The following ROS1 variants were observed in gnomAD, a reference collection of about 807,000 sequenced individuals.
ROS1 encodes the protein ROS proto-oncogene 1, receptor tyrosine kinase.
In ROS1, 263 loss-of-function variants were observed where a neutral mutation model predicts 273.5. The ratio of observed to expected loss-of-function variants is 0.96; its 90% CI spans 0.87 to 1.06. The LOEUF is 1.06. Ranked by LOEUF, ROS1 falls within the 50% of genes least tolerant of loss-of-function variation. ROS1 has a pLI of 0.00. For synonymous variants in ROS1, 1,008 were observed against 954.1 expected, an observed-to-expected ratio of 1.06 and a Z score of -1.04; for missense variants, 2,833 against 2,751.1, an observed-to-expected ratio of 1.03 and a Z score of -0.67.
chr6:117,396,940 A>G lies in ROS1; in HGVS notation c.781T>C (p.Ser261Pro). 6.2e-7 allele frequency: 1 copy of G among 1,613,806 alleles called. No individual in the cohort carries two copies. Among genetic ancestry groups the G allele is most frequent in the Non-Finnish European group, 8.5e-7 (1 of 1,179,644 alleles). ...GTQRTSFQFY[S>P]TLPNTIYRFS... The stretch of plus-strand genomic sequence containing the variant: ...CTGTAGATAGTATTTGGTAAAGTGG[A>G]GTAAAACTGGAAACTGGTTCTCTGT... Residue 261 changes from serine to proline, a missense_variant, in exon 8 of 44, where the codon TCC becomes CCC. Ser to Pro is a moderately conservative substitution (Grantham distance 74). Coordinates refer to ENST00000368507, the MANE Select transcript of ROS1 (RefSeq NM_001378902.1).
chr6:117,333,544 A>C (rs60902684), intron 32 of ROS1, among the ~76,000 whole-genome samples: 6,595 of 152,198 alleles, frequency 0.043, 234 homozygotes, highest in African/African-American at 0.1. Context: ...ACAACAACAA[A>C]CTTCGGGCCA....
chr6:117,376,502 C>A (rs1781342872), intron 18 of ROS1, among the ~76,000 whole-genome samples: 1 of 152,024 alleles, frequency 6.6e-6, no homozygotes, highest in Non-Finnish European at 1.5e-5. Flanking sequence ...ATTTTTGAGA[C>A]TACTATAACT....
chr6:117,398,274 GA>G (rs761453359), intron 7 of ROS1, among the ~76,000 whole-genome samples: 2 of 135,940 alleles, frequency 1.5e-5, no homozygotes, highest in African/African-American at 6.4e-5. Flanking sequence ...CTTCCCCACC[GA>G]AAAAAAAACA....
rs372816596 is a variant in ROS1 at position 117,395,064 on chromosome 6, G to A, written c.884-326C>T. ...TATTTTCAGCCATGAGAATTGGCTC[G>A]GTGGAGGTGGTCCACCCCAGGCCAG... On this transcript the variant is annotated intron_variant, in intron 9 of 43. Coordinates refer to ENST00000368507, the MANE Select transcript of ROS1 (RefSeq NM_001378902.1). Among the ~76,000 whole-genome samples the A allele has an allele frequency of 6.6e-5, 10 of 152,184 alleles. 1 individual carries two copies. Among genetic ancestry groups the A allele is most frequent in the East Asian group, 5.8e-4 (3 of 5,174 alleles).
At position 117,319,926 on chromosome 6, in the gene ROS1, T is replaced by C. The variant is rs2128558817; in HGVS notation, c.5864A>G (p.Glu1955Gly). The change falls in exon 37 of 44, where the codon GAA becomes GGA. Residue 1955 changes from glutamate (E) to glycine (G), a missense_variant. By Grantham distance (98) the Glu-to-Gly change is moderately conservative. Coordinates refer to ENST00000368507, the MANE Select transcript of ROS1 (RefSeq NM_001378902.1). ...LGSGAFGEVY[E>G]GTAVDILGVG... Reference sequence around the variant, plus strand: ...TCCTAAGATGTCCACTGCTGTTCCTTCATACACTTCTCCAAAGGCTCCACT... The same window carrying C: ...TCCTAAGATGTCCACTGCTGTTCCTCCATACACTTCTCCAAAGGCTCCACT... 1 of 1,613,478 alleles carries C rather than the reference T, an allele frequency of 6.2e-7. No individual in the cohort carries two copies. Among genetic ancestry groups the C allele is most frequent in the Non-Finnish European group, 8.5e-7 (1 of 1,179,570 alleles).
intron 1 of ROS1, among the ~76,000 whole-genome samples, chr6:117,423,015 T>G (rs1775870701): frequency 1.3e-5 from 2 of 151,656 alleles, no homozygotes; most frequent in South Asian, 4.2e-4. Flanking sequence ...GTTGTTGTGA[T>G]TTGTTAATTC....
chr6:117,366,274 T>C lies in ROS1; in HGVS notation c.2599A>G (p.Ile867Val). 1 of 1,614,008 alleles carries C rather than the reference T, an allele frequency of 6.2e-7. No homozygotes were observed. Residue 867 changes from isoleucine to valine, a missense_variant, in exon 19 of 44, where the codon ATC (isoleucine) becomes GTC (valine). Transcript: ENST00000368507. ...GTACTCCAGGCTGCAAATTCTGTGA[T>C]GGTGGTATCCCCAGTGCTGCTAAAA... ...LRGQSTGDTT[I>V]TEFAAWSTSE...
At chr6:117,383,208 A>G in intron 17 of ROS1, 109 bp downstream of exon 17, 1 of 813,486 alleles carries the variant, frequency 1.2e-6, no homozygotes, top group Non-Finnish European at 1.9e-6. Flanking sequence ...CCAAAACACT[A>G]TTTCCTTTAG....
Position 117,393,838 on chromosome 6 carries a change from C to T in ROS1, c.1191+324G>A, listed in dbSNP as rs17079124. ...TATAATTTTAAATGCTTGCAGCTAA[C>T]TTTGATCATGACTGGCAGTCTTACC... On this transcript the variant is annotated intron_variant, in intron 11 of 43. Coordinates refer to ENST00000368507, the MANE Select transcript of ROS1 (RefSeq NM_001378902.1). 3.3e-3 allele frequency among the ~76,000 whole-genome samples: 502 copies of T among 152,272 alleles called. 7 individuals carry two copies. Among genetic ancestry groups the T allele is most frequent in the African/African-American group, 0.012 (488 of 41,546 alleles).
At chr6:117,395,624 A>C (rs1352542407) in intron 9 of ROS1, among the ~76,000 whole-genome samples, 1 of 152,212 alleles carries the variant, frequency 6.6e-6, no homozygotes, top group Non-Finnish European at 1.5e-5. Flanking sequence ...TATTTTGCTC[A>C]CACATATATC....
At chr6:117,419,345 C>A (rs1582906310) in intron 1 of ROS1, among the ~76,000 whole-genome samples, 1 of 152,138 alleles carries the variant, frequency 6.6e-6, no homozygotes, top group Admixed American at 6.6e-5. Context: ...AAAACATTAT[C>A]CAATGGCTTA....
Position 117,365,755 on chromosome 6 carries a change from C to CA in ROS1, c.2798-15dup, listed in dbSNP as rs745574606. On this transcript the variant is annotated splice_polypyrimidine_tract_variant and intron_variant, in intron 19 of 43. Transcript: ENST00000368507. Reference sequence around the variant, plus strand: ...AGGAAAAGTTCCCTACAGGATGAAACAAAAAAAAGAAATAGGAGAAAAAAA... The same window carrying CA: ...AGGAAAAGTTCCCTACAGGATGAAACAAAAAAAAAGAAATAGGAGAAAAAAA... 80 of 1,499,154 alleles carry CA rather than the reference C, an allele frequency of 5.3e-5. No individual in the cohort carries two copies. Among genetic ancestry groups the CA allele is most frequent in the Middle Eastern group, 3.6e-4 (2 of 5,596 alleles). 92.9% of individuals were successfully genotyped at this position (1,499,154 alleles called of 1,614,324 possible).
chr6:117,403,401 A>G (rs970323893), intron 6 of ROS1, 124 bp from the exon 7 acceptor site: 1 of 954,466 alleles, frequency 1.0e-6, no homozygotes, highest in Admixed American at 2.9e-5. Context: ...AGAGGCCTGG[A>G]GCTTAGAGCT....
Position 117,301,117 on chromosome 6 carries a change from C to T in ROS1, c.6572G>A (p.Cys2191Tyr), listed in dbSNP as rs2128537211. 1 of 1,588,248 alleles carries T rather than the reference C, an allele frequency of 6.3e-7. No individual in the cohort carries two copies. The highest frequency in any genetic ancestry group is 8.5e-7 in the Non-Finnish European group (1 of 1,171,380). Residue 2191 changes from cysteine (C) to tyrosine (Y), a missense_variant, in exon 43 of 44, where the codon TGC becomes TAC. Coordinates refer to ENST00000368507, the MANE Select transcript of ROS1 (RefSeq NM_001378902.1). ...TCTTTGGTCGGGTTCTTGAGCCCAG[C>T]ACTGGGTCATTAAATTCCACCTAAA... ...PDDLWNLMTQ[C>Y]WAQEPDQRPT... is the part of the protein sequence containing the mutation.
chr6:117,347,443 T>C (rs976184853), intron 27 of ROS1, among the ~76,000 whole-genome samples: 3 of 152,134 alleles, frequency 2.0e-5, no homozygotes, highest in African/African-American at 7.2e-5. Context: ...TAATCACTTA[T>C]GAGTTCCAGG....
intron 41 of ROS1, 121 bp from the exon 42 acceptor site, chr6:117,309,049 C>T (rs899947403): frequency 1.1e-6 from 1 of 904,246 alleles, no homozygotes. Context: ...TATTATTGGC[C>T]TCATAAAAGG....
chr6:117,394,202 T>A lies in ROS1; in HGVS notation c.1151A>T (p.Asp384Val). The change falls in exon 11 of 44, where the codon GAT becomes GTT. Residue 384 changes from aspartate to valine, a missense_variant. By Grantham distance (152) the Asp-to-Val change is radical. Transcript: ENST00000368507. ...GAAATACATTCTTTGATAAAGCCAA[T>A]CTATGGAGATAGAAGAAATTAATCC... ...GSGLISSISIDWLYQRMYFIM... is the reference protein window; with the variant it reads ...GSGLISSISIVWLYQRMYFIM... The A allele has an allele frequency of 6.3e-7, 1 of 1,599,776 alleles. No individual in the cohort carries two copies. The highest frequency in any genetic ancestry group is 1.1e-5 in the South Asian group (1 of 88,122).
At chr6:117,314,057 CT>C (rs995554654) in intron 39 of ROS1, among the ~76,000 whole-genome samples, 62 of 151,380 alleles carry the variant, frequency 4.1e-4, no homozygotes, top group South Asian at 4.2e-4. Context: ...AGTAGATCCA[CT>C]TTTTTTTTCA....
chr6:117,425,712 T>C lies in ROS1; in HGVS notation c.-56A>G. On this transcript the variant is annotated 5_prime_UTR_variant, in exon 1 of 44. In the 5' UTR this introduces an upstream ATG that the reference lacks. Transcript: ENST00000368507. The stretch of plus-strand genomic sequence containing the variant: ...CGGTCTAATTTTCTCCATTTTGCTA[T>C]ATGAATTATTTGGGCTTCATCACTT... The C allele has an allele frequency of 2.5e-6, 4 of 1,592,746 alleles. No individual in the cohort carries two copies. The highest frequency in any genetic ancestry group is 3.4e-6 in the Non-Finnish European group (4 of 1,168,046).
Sources: allele counts gnomAD v4.1 joint callset (sites outside exome capture counted in the v4.1 genomes callset), GRCh38; gene constraint gnomAD v4.1.1; transcripts MANE v1.5; gene names NCBI Gene and HGNC (gene_info 2026-07-23, HGNC 2026-07-21).